Variants in GPATCH2 observed in about 807,000 individuals in gnomAD.
The protein encoded by GPATCH2 is G patch domain-containing protein 2.
GPATCH2 carries 51 observed loss-of-function variants against 58.0 expected under a neutral mutation model. That is an observed-to-expected ratio of 0.88 (90% CI 0.70 to 1.11). The LOEUF is 1.11. Among genes scored for constraint, GPATCH2 ranks in the 50% most tolerant of loss-of-function variants. The pLI is 0.00. For missense variants in GPATCH2, 625 were observed against 652.2 expected (o/e 0.96, Z 0.45); for synonymous variants, 222 against 218.5 (o/e 1.02, Z -0.14).
At chr1:217,518,798 ATATTT>A (rs1224652971) in intron 5 of GPATCH2, among the ~76,000 whole-genome samples, 1 of 152,186 alleles carries the variant, frequency 6.6e-6, no homozygotes, top group African/African-American at 2.4e-5. Flanking sequence ...CTTTTCAACT[ATATTT>A]TATTTGCCTT....
At chr1:217,618,397 G>A (rs956746260) in intron 2 of GPATCH2, among the ~76,000 whole-genome samples, 12 of 151,684 alleles carry the variant, frequency 7.9e-5, no homozygotes, top group African/African-American at 1.2e-4. Context: ...TGCTAGAGAC[G>A]GGGTTTCACC....
At chr1:217,626,202 G>C (rs1386216623) in intron 1 of GPATCH2, among the ~76,000 whole-genome samples, 2 of 152,060 alleles carry the variant, frequency 1.3e-5, no homozygotes, top group African/African-American at 4.8e-5. Flanking sequence ...TGCTTAATTG[G>C]CTTACAAAAA....
rs185705172 is a variant in GPATCH2 at position 217,527,954 on chromosome 1, C to T, written c.1099-13065G>A. Among the ~76,000 whole-genome samples the T allele has an allele frequency of 5.2e-4, 79 of 152,112 alleles. 1 individual carries two copies. Among genetic ancestry groups the T allele is most frequent in the African/African-American group, 1.8e-3 (73 of 41,490 alleles). ...TGTGTTCATTTAGTTATAACTGCAA[C>T]GGAAGTTAAAAAAAATCATTAAAGC... On this transcript the variant is annotated intron_variant, in intron 5 of 9. Coordinates refer to ENST00000366935, the MANE Select transcript of GPATCH2 (RefSeq NM_018040.5).
chr1:217,578,454 G>T (rs1666911069), intron 5 of GPATCH2, among the ~76,000 whole-genome samples: 1 of 152,088 alleles, frequency 6.6e-6, no homozygotes, highest in South Asian at 2.1e-4. Flanking sequence ...GCCTCACTAT[G>T]ATGCCCAGGG....
At chr1:217,540,016 G>C (rs1280970972) in intron 5 of GPATCH2, among the ~76,000 whole-genome samples, 1 of 152,086 alleles carries the variant, frequency 6.6e-6, no homozygotes, top group African/African-American at 2.4e-5. Flanking sequence ...ATAAACATTT[G>C]CATATCAGGT....
At position 217,583,476 on chromosome 1, in the gene GPATCH2, C is replaced by A. The variant is rs550283553; in HGVS notation, c.1098+26845G>T. 1.4e-4 allele frequency among the ~76,000 whole-genome samples: 21 copies of A among 147,492 alleles called. No homozygotes were observed. In the South Asian group the frequency reaches 4.0e-3, roughly 28 times the overall value. ...ATCCCAGCTACTCAGGAGGCTGAGG[C>A]AGGAGAGTTGCATGAACCTGGGAGG... On this transcript the variant is annotated intron_variant, in intron 5 of 9. Transcript: ENST00000366935.
chr1:217,622,918 A>G (rs1177487874), intron 1 of GPATCH2, among the ~76,000 whole-genome samples: 1 of 152,254 alleles, frequency 6.6e-6, no homozygotes, highest in Admixed American at 6.5e-5. Flanking sequence ...TCGGCCAAAC[A>G]AAACAGAGGC....
At position 217,608,006 on chromosome 1, in the gene GPATCH2, A is replaced by T. The variant is rs544485226; in HGVS notation, c.1098+2315T>A. Among the ~76,000 whole-genome samples, 98 of 152,306 alleles carry T rather than the reference A, an allele frequency of 6.4e-4. 1 individual carries two copies. Among genetic ancestry groups the T allele is most frequent in the African/African-American group, 2.3e-3 (96 of 41,574 alleles). ...CCAGTGTGAAAGTTTAAGGCAATTAAATTTCACTTCTTATTACCAGATGTC... is the reference window on the plus strand; with the variant it reads ...CCAGTGTGAAAGTTTAAGGCAATTATATTTCACTTCTTATTACCAGATGTC... On this transcript the variant is annotated intron_variant, in intron 5 of 9. Coordinates refer to ENST00000366935, the MANE Select transcript of GPATCH2 (RefSeq NM_018040.5).
chr1:217,441,677 G>A (rs1379840448), intron 9 of GPATCH2, among the ~76,000 whole-genome samples: 2 of 152,114 alleles, frequency 1.3e-5, no homozygotes, highest in African/African-American at 4.8e-5. Flanking sequence ...TCAAAAAGTG[G>A]GCAAAGGATA....
At chr1:217,611,112 T>A in intron 3 of GPATCH2, 41 bp from the exon 4 acceptor site, 1 of 1,541,010 alleles carries the variant, frequency 6.5e-7, no homozygotes, top group Non-Finnish European at 8.8e-7. Context: ...AAAGACTCAG[T>A]TTTATCATCC....
intron 5 of GPATCH2, among the ~76,000 whole-genome samples, chr1:217,584,582 A>G (rs1006916665): frequency 6.6e-6 from 1 of 151,910 alleles, no homozygotes; most frequent in Admixed American, 6.6e-5. Context: ...TATTTAGAAG[A>G]GGTTTAAATA....
intron 1 of GPATCH2, among the ~76,000 whole-genome samples, chr1:217,630,645 G>T (rs1380291270): frequency 6.6e-6 from 1 of 152,200 alleles, no homozygotes; most frequent in Non-Finnish European, 1.5e-5. Flanking sequence ...ATGAGGAGAT[G>T]AATTGCTCCT....
intron 6 of GPATCH2, among the ~76,000 whole-genome samples, chr1:217,510,617 C>T (rs78624779): frequency 0.038 from 5,777 of 152,088 alleles, 126 homozygotes; most frequent in South Asian, 0.058. Context: ...AATTCTATCA[C>T]CATCTTTTAA....
In GPATCH2 at chr1:217,614,167, A is replaced by G; in HGVS notation, c.809T>C (p.Leu270Ser). The change falls in exon 3 of 10, where the codon TTG becomes TCG. Residue 270 changes from leucine to serine, a missense_variant. Coordinates refer to ENST00000366935, the MANE Select transcript of GPATCH2 (RefSeq NM_018040.5). The part of the protein sequence containing the change: ...SSSLSSTDAG[L>S]FTNDEGRQGD... ...TTGTCTTCCCTCATCATTGGTAAAC[A>G]ATCCAGCATCAGTGCTGCTGAGACT... The G allele has an allele frequency of 1.3e-6, 2 of 1,586,550 alleles. No individual in the cohort carries two copies. The highest frequency in any genetic ancestry group is 1.1e-5 in the South Asian group (1 of 90,408).
chr1:217,451,618 A>G (rs1659669739), intron 8 of GPATCH2, among the ~76,000 whole-genome samples: 1 of 152,222 alleles, frequency 6.6e-6, no homozygotes, highest in African/African-American at 2.4e-5. Flanking sequence ...CTTTTTGTAA[A>G]AAAGTATCCT....
At chr1:217,620,552 C>A in intron 1 of GPATCH2, 53 bp from the exon 2 acceptor site, 1 of 1,009,452 alleles carries the variant, frequency 9.9e-7, no homozygotes, top group Non-Finnish European at 1.5e-6. Flanking sequence ...ACCACAGTAA[C>A]CTCATTTTCT....
intron 3 of GPATCH2, among the ~76,000 whole-genome samples, 156 bp from the exon 4 acceptor site, chr1:217,611,227 TA>T (rs1003605708): frequency 5.3e-5 from 8 of 152,314 alleles, no homozygotes; most frequent in African/African-American, 1.9e-4. Context: ...ATACTTGCAC[TA>T]AATTTTTGGT....
intron 8 of GPATCH2, among the ~76,000 whole-genome samples, chr1:217,464,178 T>G (rs544534345): frequency 7.0e-4 from 107 of 152,278 alleles, no homozygotes; most frequent in African/African-American, 2.6e-3. Flanking sequence ...GCGAATATGG[T>G]GGCAATGACA....
intron 5 of GPATCH2, among the ~76,000 whole-genome samples, chr1:217,524,025 C>G (rs1443282791): frequency 1.4e-5 from 2 of 142,644 alleles, no homozygotes; most frequent in Non-Finnish European, 3.1e-5. Flanking sequence ...TAGGGGCGGC[C>G]AGGCAGAGGT....
Sources: allele counts gnomAD v4.1 joint callset (sites outside exome capture counted in the v4.1 genomes callset), GRCh38; gene constraint gnomAD v4.1.1; transcripts MANE v1.5; gene names NCBI Gene and HGNC (gene_info 2026-07-23, HGNC 2026-07-21).